IL6: variants seen among roughly 807,000 people sequenced by gnomAD.
The protein encoded by IL6 is interleukin-6.
A neutral mutation model predicts 18.0 loss-of-function variants in IL6; 5 were observed. The ratio of observed to expected loss-of-function variants is 0.28; its 90% confidence interval spans 0.15 to 0.58. The LOEUF is 0.58. Ranked by LOEUF, IL6 falls within the 20% of genes least tolerant of loss-of-function variation. The pLI, the probability that IL6 is intolerant of heterozygous loss-of-function variation, is 0.90. For synonymous variants in IL6, 97 were observed against 95.1 expected, an observed-to-expected ratio of 1.02 and a Z score of -0.12; for missense variants, 266 against 251.0, an observed-to-expected ratio of 1.06 and a Z score of -0.40.
At chr7:22,728,944 G>A (rs758196141) in intron 3 of IL6, 138 bp downstream of exon 3, 2 of 641,134 alleles carry the variant, frequency 3.1e-6, no homozygotes, top group Non-Finnish European at 5.7e-6. Flanking sequence ...AATTTCATGA[G>A]GAGGCCAACT....
intron 2 of IL6, chr7:22,728,470 C>G: frequency 2.0e-6 from 1 of 505,284 alleles, no homozygotes; most frequent in Non-Finnish European, 3.5e-6. Flanking sequence ...GATAAGGAAA[C>G]TGAGACTCAG....
chr7:22,731,510 T>C lies in IL6; in HGVS notation c.576T>C (p.His192=). The C allele has an allele frequency of 6.2e-7, 1 of 1,610,642 alleles. No homozygotes were observed. The highest frequency in any genetic ancestry group is 8.5e-7 in the Non-Finnish European group (1 of 1,177,414). Residue 192 remains histidine, a synonymous_variant, in exon 5 of 5, where the codon CAT becomes CAC. Coordinates refer to ENST00000258743, the MANE Select transcript of IL6 (RefSeq NM_000600.5). ...AGTGGCTGCAGGACATGACAACTCA[T>C]CTCATTCTGCGCAGCTTTAAGGAGT... ...QNQWLQDMTT[H]LILRSFKEFL...
At chr7:22,729,895 G>T in intron 4 of IL6, 2 of 1,418,500 alleles carry the variant, frequency 1.4e-6, no homozygotes, top group Non-Finnish European at 1.8e-6. Context: ...TATTAACTGA[G>T]GTGGATTTTA....
chr7:22,730,029 A>C (rs1040033132), intron 4 of IL6: 2 of 985,308 alleles, frequency 2.0e-6, no homozygotes, highest in Non-Finnish European at 2.4e-6. Flanking sequence ...AATGATTTTA[A>C]GATTTTAGTC....
At chr7:22,731,190 G>T (rs997005633) in intron 4 of IL6, among the ~76,000 whole-genome samples, 2 of 151,434 alleles carry the variant, frequency 1.3e-5, no homozygotes, top group African/African-American at 2.4e-5. Context: ...GTGCACCACT[G>T]CACTCCAGCC....
In IL6 at chr7:22,727,273, T is replaced by C; in HGVS notation, c.11T>C (p.Phe4Ser). 6.2e-7 allele frequency: 1 copy of C among 1,613,720 alleles called. No individual in the cohort carries two copies. Among genetic ancestry groups the C allele is most frequent in the East Asian group, 2.2e-5 (1 of 44,856 alleles). ...TCCAGGAGCCCAGCTATGAACTCCT[T>C]CTCCACAAGTAAGTGCAGGAAATCC... The part of the protein sequence containing the change: MNS[F>S]STSAFGPVAF... The change falls in exon 1 of 5, where the codon TTC (phenylalanine) becomes TCC (serine). Residue 4 changes from phenylalanine (F) to serine (S), a missense_variant. Phe to Ser is a radical substitution (Grantham distance 155, BLOSUM62 -2). Transcript: ENST00000258743.
chr7:22,729,743 G>A (rs1339630860), intron 4 of IL6, 83 bp downstream of exon 4: 3 of 1,607,592 alleles, frequency 1.9e-6, no homozygotes, highest in Non-Finnish European at 2.5e-6. Flanking sequence ...GGGATGCAAT[G>A]CCACTTCCAA....
intron 4 of IL6, 141 bp downstream of exon 4, chr7:22,729,801 T>C (rs1437394624): frequency 2.6e-6 from 4 of 1,538,812 alleles, no homozygotes; most frequent in Non-Finnish European, 3.5e-6. Flanking sequence ...TAGTTTCTGA[T>C]TGTTATTGTT....
rs1784095668 is a variant in IL6, at chr7:22,729,958, C to A, written c.471+298C>A. ...TTAAAACCAAAGGCGGGGGGGCGGG[C>A]AGAAAAAAGTGCATCCAACTCCAGC... On this transcript the variant is annotated intron_variant, in intron 4 of 4. Coordinates refer to ENST00000258743, the MANE Select transcript of IL6 (RefSeq NM_000600.5). 5 of 1,351,764 alleles carry A rather than the reference C, an allele frequency of 3.7e-6. No homozygotes were observed. The South Asian group carries it at 6.6e-5, about 18-fold the overall frequency. 83.7% of individuals were successfully genotyped at this position (1,351,764 alleles called of 1,614,324 possible).
chr7:22,729,850 T>C (rs1583434666), intron 4 of IL6, 190 bp downstream of exon 4: 1 of 1,487,954 alleles, frequency 6.7e-7, no homozygotes, highest in Non-Finnish European at 8.9e-7. Flanking sequence ...GGCTCTCTTC[T>C]GCAAAGGACA....
Sources: gnomAD v4.1 joint callset for allele counts (sites outside exome capture counted in the v4.1 genomes callset) on GRCh38, gnomAD v4.1.1 for gene constraint, MANE v1.5 for transcripts, NCBI Gene and HGNC (gene_info 2026-07-23, HGNC 2026-07-21) for gene names.